Variants in COX7B2 observed in about 807,000 individuals in gnomAD.
COX7B2 encodes cytochrome c oxidase subunit 7B2, mitochondrial.
For synonymous variants in COX7B2, 37 were observed against 32.1 expected, an observed-to-expected ratio of 1.15 and a Z score of -0.51; for missense variants, 109 against 95.9, an observed-to-expected ratio of 1.14 and a Z score of -0.57.
intron 2 of COX7B2, among the ~76,000 whole-genome samples, chr4:46,826,662 A>C (rs1252625865): frequency 2.0e-5 from 3 of 152,190 alleles, no homozygotes; most frequent in African/African-American, 7.2e-5. Flanking sequence ...CATATACATC[A>C]TGGAATACTA....
At chr4:46,817,256 AG>A (rs1371454825) in intron 2 of COX7B2, among the ~76,000 whole-genome samples, 19 of 152,344 alleles carry the variant, frequency 1.2e-4, no homozygotes, top group African/African-American at 4.1e-4. Flanking sequence ...GCCAAGAGTC[AG>A]GCCCTCTGCT....
chr4:46,754,466 A>G (rs1233656933), intron 2 of COX7B2, among the ~76,000 whole-genome samples: 1 of 141,782 alleles, frequency 7.1e-6, no homozygotes, highest in East Asian at 2.2e-4. Context: ...CGCAAGGACA[A>G]AAAACCAAAC....
At chr4:46,791,064 A>G (rs2109585261) in intron 2 of COX7B2, among the ~76,000 whole-genome samples, 1 of 152,114 alleles carries the variant, frequency 6.6e-6, no homozygotes, top group South Asian at 2.1e-4. Flanking sequence ...CAGTGGCGCG[A>G]TCTCGGCTCA....
At chr4:46,769,137 A>C (rs1321516075) in intron 2 of COX7B2, among the ~76,000 whole-genome samples, 2 of 151,962 alleles carry the variant, frequency 1.3e-5, no homozygotes, top group Non-Finnish European at 2.9e-5. Context: ...ATAATAATAA[A>C]ATTTTTTTAA....
chr4:46,798,981 C>A (rs559662469), intron 2 of COX7B2, among the ~76,000 whole-genome samples: 1 of 152,190 alleles, frequency 6.6e-6, no homozygotes, highest in African/African-American at 2.4e-5. Flanking sequence ...ATGTCTTCTA[C>A]TCTTGATATA....
At chr4:46,749,339 TC>T (rs1188421680) in intron 2 of COX7B2, among the ~76,000 whole-genome samples, 1 of 152,162 alleles carries the variant, frequency 6.6e-6, no homozygotes, top group Non-Finnish European at 1.5e-5. Context: ...AATGTCTCCA[TC>T]CTAACTTAAC....
At position 46,763,221 on chromosome 4, in the gene COX7B2, AT is replaced by A. The variant is rs1021234588; in HGVS notation, c.-49-27981del. On this transcript the variant is annotated intron_variant, in intron 2 of 2. Transcript: ENST00000355591. ...ATATGATATTATATTTATAATATAT[AT>A]TCATATATATTATATATATACATAT... Among the ~76,000 whole-genome samples the A allele has an allele frequency of 1.2e-4, 17 of 137,684 alleles. No homozygotes were observed. In the South Asian group the frequency reaches 1.5e-3, roughly 12 times the overall value. 90.3% of individuals were successfully genotyped at this position (137,684 alleles called of 152,430 possible).
At chr4:46,740,739 T>C (rs2109398235) in intron 2 of COX7B2, among the ~76,000 whole-genome samples, 1 of 152,110 alleles carries the variant, frequency 6.6e-6, no homozygotes, top group Non-Finnish European at 1.5e-5. Flanking sequence ...ATACCAGAAA[T>C]AGAAAGAAGA....
rs373543614 is a variant in COX7B2 at position 46,880,721 on chromosome 4, T to TA, written c.-105+28438dup. ...GCCTAGCTAATCTATTTTATTCCTT[T>TA]AAAAAAAAAACTATCGCAAGAACAA... is the stretch of plus-strand genomic sequence containing the variant. On this transcript the variant is annotated intron_variant, in intron 1 of 2. Transcript: ENST00000355591. Among the ~76,000 whole-genome samples, 378 of 146,610 alleles carry TA rather than the reference T, an allele frequency of 2.6e-3. 4 individuals are homozygous for TA. The highest frequency in any genetic ancestry group is 8.5e-3 in the African/African-American group (341 of 40,062).
chr4:46,832,703 G>C (rs1465577742), intron 2 of COX7B2, among the ~76,000 whole-genome samples: 1 of 152,074 alleles, frequency 6.6e-6, no homozygotes, highest in African/African-American at 2.4e-5. Context: ...TTGATGATGA[G>C]AGGATTCTTG....
chr4:46,803,432 T>A (rs1370423786), intron 2 of COX7B2, among the ~76,000 whole-genome samples: 1 of 152,124 alleles, frequency 6.6e-6, no homozygotes, highest in African/African-American at 2.4e-5. Flanking sequence ...CAGTTACTGC[T>A]CCCTGTCCAG....
Position 46,758,106 on chromosome 4 carries a change from C to T in COX7B2, c.-49-22865G>A, listed in dbSNP as rs1236921378. On this transcript the variant is annotated intron_variant, in intron 2 of 2. Coordinates refer to ENST00000355591, the MANE Select transcript of COX7B2 (RefSeq NM_130902.3). Reference sequence around the variant, plus strand: ...ATTCTACAATACTTTATGGTAATTTCATTCTATAAGTATTCTACAATACTT... The same window carrying T: ...ATTCTACAATACTTTATGGTAATTTTATTCTATAAGTATTCTACAATACTT... Among the ~76,000 whole-genome samples, 3 of 152,062 alleles carry T rather than the reference C, an allele frequency of 2.0e-5. No individual in the cohort carries two copies. The East Asian group carries it at 5.8e-4, about 29-fold the overall frequency.
chr4:46,736,453 A>AT lies in COX7B2; in HGVS notation c.-49-1213dup, dbSNP rs372687182. On this transcript the variant is annotated intron_variant, in intron 2 of 2. Coordinates refer to ENST00000355591, the MANE Select transcript of COX7B2 (RefSeq NM_130902.3). ...GCATCTGGTGTGGTGATCTGGTTTC[A>AT]TTTTTTTTTTTACTTTTTGTGAGAG... is the stretch of plus-strand genomic sequence containing the variant. Among the ~76,000 whole-genome samples the AT allele has an allele frequency of 6.1e-3, 905 of 147,882 alleles. 11 individuals carry two copies. The highest frequency in any genetic ancestry group is 0.021 in the African/African-American group (833 of 40,590).
At chr4:46,885,181 T>C (rs975770085) in intron 1 of COX7B2, among the ~76,000 whole-genome samples, 2 of 152,076 alleles carry the variant, frequency 1.3e-5, no homozygotes, top group Admixed American at 1.3e-4. Context: ...TTCCCACTCC[T>C]TTCACAACAT....
intron 2 of COX7B2, among the ~76,000 whole-genome samples, chr4:46,785,442 C>G (rs1489327989): frequency 6.6e-6 from 1 of 151,076 alleles, no homozygotes; most frequent in East Asian, 1.9e-4. Flanking sequence ...GGCACAATCT[C>G]AGCTCACTGC....
chr4:46,754,401 A>G (rs918287412), intron 2 of COX7B2, among the ~76,000 whole-genome samples: 4 of 151,330 alleles, frequency 2.6e-5, no homozygotes, highest in African/African-American at 4.9e-5. Flanking sequence ...TGATGAGTTC[A>G]TGTCCTTTGT....
At chr4:46,897,010 A>C (rs1201787847) in intron 1 of COX7B2, among the ~76,000 whole-genome samples, 2 of 152,246 alleles carry the variant, frequency 1.3e-5, no homozygotes, top group Non-Finnish European at 2.9e-5. Context: ...CTTACAAAAC[A>C]AGATATATTC....
At chr4:46,742,519 G>A (rs560618835) in intron 2 of COX7B2, among the ~76,000 whole-genome samples, 1 of 152,220 alleles carries the variant, frequency 6.6e-6, no homozygotes, top group Non-Finnish European at 1.5e-5. Context: ...TCTGAAAGAA[G>A]CAATGCCGCT....
At chr4:46,814,345 T>C (rs1244447353) in intron 2 of COX7B2, among the ~76,000 whole-genome samples, 1 of 152,190 alleles carries the variant, frequency 6.6e-6, no homozygotes, top group African/African-American at 2.4e-5. Context: ...AAAATTCGGC[T>C]TTCCAGTGTG....
Sources: gnomAD v4.1 joint callset for allele counts (sites outside exome capture counted in the v4.1 genomes callset) on GRCh38, gnomAD v4.1.1 for gene constraint, MANE v1.5 for transcripts, NCBI Gene and HGNC (gene_info 2026-07-23, HGNC 2026-07-21) for gene names.